Variants in PRKACA observed in about 807,000 individuals in gnomAD.
The protein encoded by PRKACA is cAMP-dependent protein kinase catalytic subunit alpha.
A neutral mutation model predicts 45.8 loss-of-function variants in PRKACA; 9 were observed. The ratio of observed to expected loss-of-function variants is 0.20; its 90% CI spans 0.12 to 0.34. The LOEUF (loss-of-function observed/expected upper bound fraction) is 0.34, where lower values mean the gene tolerates loss of function less well. Ranked by LOEUF, PRKACA falls within the 10% of genes least tolerant of loss-of-function variation. The pLI is 1.00. For synonymous variants in PRKACA, 160 were observed against 178.6 expected, an observed-to-expected ratio of 0.90 and a Z score of 0.83; for missense variants, 238 against 458.6, an observed-to-expected ratio of 0.52 and a Z score of 4.39.
intron 1 of PRKACA, among the ~76,000 whole-genome samples, chr19:14,116,636 G>A (rs1179114204): frequency 1.3e-5 from 2 of 152,128 alleles, no homozygotes; most frequent in South Asian, 2.1e-4. Context: ...CTCACTGCAA[G>A]ACAGGAAATG....
chr19:14,109,190 T>C (rs1368052397), intron 1 of PRKACA, among the ~76,000 whole-genome samples: 5 of 150,184 alleles, frequency 3.3e-5, no homozygotes, highest in African/African-American at 9.8e-5. Flanking sequence ...CTACTAAAAA[T>C]AAAAAAATGA....
At chr19:14,099,166 C>T (rs1403276488) in intron 5 of PRKACA, among the ~76,000 whole-genome samples, 1 of 152,024 alleles carries the variant, frequency 6.6e-6, no homozygotes, top group Non-Finnish European at 1.5e-5. Context: ...GGGGCATGCA[C>T]CTGTAGTCCC....
chr19:14,104,532 T>C (rs1309805306), intron 3 of PRKACA, among the ~76,000 whole-genome samples: 1 of 150,188 alleles, frequency 6.7e-6, no homozygotes, highest in Admixed American at 6.7e-5. Context: ...CCATCTCTAC[T>C]AAAAATACAA....
intron 1 of PRKACA, among the ~76,000 whole-genome samples, chr19:14,108,712 T>C (rs1314246072): frequency 6.7e-6 from 1 of 149,542 alleles, no homozygotes; most frequent in East Asian, 2.0e-4. Context: ...GCCCGGCCAA[T>C]TTATTTTTTT....
At chr19:14,109,214 G>A (rs1286103040) in intron 1 of PRKACA, among the ~76,000 whole-genome samples, 3 of 151,870 alleles carry the variant, frequency 2.0e-5, no homozygotes, top group Non-Finnish European at 2.9e-5. Flanking sequence ...CAGGCACGGT[G>A]GGTCACACCT....
intron 1 of PRKACA, among the ~76,000 whole-genome samples, chr19:14,108,662 G>A (rs914890286): frequency 5.3e-5 from 8 of 151,818 alleles, no homozygotes; most frequent in Non-Finnish European, 7.4e-5. Context: ...CACCCGCCTC[G>A]GCCTCCCAAA....
In PRKACA at chr19:14,092,711, T is replaced by TTG; in HGVS notation, c.*400_*401insCA. Reference sequence around the variant, plus strand: ...AAGTGGGGCCTGTGGTTGGGTGGGATGGGGGTGTGGGTGGGGGCTGGAGTT... The same window carrying TTG: ...AAGTGGGGCCTGTGGTTGGGTGGGATTGGGGGGTGTGGGTGGGGGCTGGAGTT... On this transcript the variant is annotated 3_prime_UTR_variant, in exon 10 of 10. Coordinates refer to ENST00000308677, the MANE Select transcript of PRKACA (RefSeq NM_002730.4). 1.1e-5 allele frequency: 2 copies of TTG among 189,274 alleles called. No homozygotes were observed. Among genetic ancestry groups the TTG allele is most frequent in the African/African-American group, 2.7e-5 (1 of 36,956 alleles). 11.7% of individuals were successfully genotyped at this position (189,274 alleles called of 1,614,324 possible).
At chr19:14,099,342 GAC>G (rs1977372059) in intron 5 of PRKACA, among the ~76,000 whole-genome samples, 1 of 151,732 alleles carries the variant, frequency 6.6e-6, no homozygotes, top group African/African-American at 2.4e-5. Context: ...AAGTTAATAA[GAC>G]AAATTTATAA....
intron 8 of PRKACA, among the ~76,000 whole-genome samples, chr19:14,094,748 G>T (rs1006823543): frequency 6.6e-6 from 1 of 152,196 alleles, no homozygotes; most frequent in Non-Finnish European, 1.5e-5. Flanking sequence ...GGGGTCTGGA[G>T]ACTTCTGAAA....
chr19:14,098,221 T>C (rs34621768), intron 5 of PRKACA: 15,279 of 225,164 alleles, frequency 0.068, 740 homozygotes, highest in Admixed American at 0.16. Flanking sequence ...CATGAATGAT[T>C]CCATTTATAT....
chr19:14,099,367 T>G (rs1222210680), intron 5 of PRKACA, among the ~76,000 whole-genome samples: 1 of 151,920 alleles, frequency 6.6e-6, no homozygotes, highest in Non-Finnish European at 1.5e-5. Flanking sequence ...TAAAAATTTT[T>G]TTTTTCTTTC....
At chr19:14,106,546 C>T (rs1351488421) in intron 3 of PRKACA, among the ~76,000 whole-genome samples, 2 of 151,994 alleles carry the variant, frequency 1.3e-5, no homozygotes, top group South Asian at 2.1e-4. Context: ...CCCAGCTACT[C>T]GGGAGGCTGA....
intron 8 of PRKACA, among the ~76,000 whole-genome samples, chr19:14,095,462 C>G (rs1977218188): frequency 6.6e-6 from 1 of 151,742 alleles, no homozygotes; most frequent in African/African-American, 2.4e-5. Flanking sequence ...AGCCACCACA[C>G]CCGGCCAACT....
intron 3 of PRKACA, among the ~76,000 whole-genome samples, chr19:14,104,134 G>A (rs940749843): frequency 2.6e-5 from 4 of 151,872 alleles, no homozygotes; most frequent in African/African-American, 7.2e-5. Context: ...TCAGGAGATC[G>A]AGACCATCCT....
At chr19:14,099,042 C>T (rs1357455076) in intron 5 of PRKACA, among the ~76,000 whole-genome samples, 2 of 152,070 alleles carry the variant, frequency 1.3e-5, no homozygotes, top group East Asian at 3.9e-4. Flanking sequence ...ATCCCAGCAT[C>T]TTGAGAGGCC....
chr19:14,106,638 A>G, intron 3 of PRKACA, 122 bp downstream of exon 3: 1 of 1,379,016 alleles, frequency 7.3e-7, no homozygotes, highest in Non-Finnish European at 1.0e-6. Flanking sequence ...TGAGCGACAG[A>G]GCGAGACTCT....
intron 2 of PRKACA, 65 bp from the exon 3 acceptor site, chr19:14,106,953 GGGGCA>G: frequency 6.3e-7 from 1 of 1,588,676 alleles, no homozygotes. Flanking sequence ...GCTAAGGTCT[GGGGCA>G]TCCCCTCTGC....
chr19:14,109,631 A>T (rs1255872816), intron 1 of PRKACA, among the ~76,000 whole-genome samples: 1 of 150,088 alleles, frequency 6.7e-6, no homozygotes, highest in African/African-American at 2.5e-5. Context: ...AAAAAAAAGA[A>T]AAAAGAAAAG....
chr19:14,107,255 G>A (rs898771966), intron 2 of PRKACA, 93 bp downstream of exon 2: 25 of 1,350,880 alleles, frequency 1.9e-5, no homozygotes, highest in Non-Finnish European at 2.3e-5. Context: ...CTTCTATGGG[G>A]TTTCTGAAAT....
Sources: allele counts gnomAD v4.1 joint callset (sites outside exome capture counted in the v4.1 genomes callset), GRCh38; gene constraint gnomAD v4.1.1; transcripts MANE v1.5; gene names NCBI Gene and HGNC (gene_info 2026-07-23, HGNC 2026-07-21).